NTN1: variants seen among roughly 807,000 people sequenced by gnomAD.
The protein encoded by NTN1 is netrin 1.
NTN1 carries 11 observed loss-of-function variants against 54.2 expected under a neutral mutation model. That is an observed-to-expected ratio of 0.20 (90% CI 0.13 to 0.34). The LOEUF (loss-of-function observed/expected upper bound fraction) is 0.34. Among genes scored for constraint, NTN1 ranks in the 10% least tolerant of loss-of-function variants. The probability of loss-of-function intolerance (pLI) is 1.00; values close to 1 mark genes in which losing one functional copy is unlikely to be tolerated. For missense variants in NTN1, 740 were observed against 893.1 expected (o/e 0.83, Z 2.18); for synonymous variants, 371 against 382.0 (o/e 0.97, Z 0.33).
intron 2 of NTN1, among the ~76,000 whole-genome samples, chr17:9,086,472 G>A (rs2092090313): frequency 6.6e-6 from 1 of 152,134 alleles, no homozygotes; most frequent in African/African-American, 2.4e-5. Context: ...TGACCTCAAG[G>A]CACTCACTCT....
chr17:9,018,282 C>T (rs1223589342), upstream of NTN1, among the ~76,000 whole-genome samples: 1 of 152,126 alleles, frequency 6.6e-6, no homozygotes, highest in East Asian at 1.9e-4. Flanking sequence ...TGTAGAAAAG[C>T]CACACTCTAC....
intron 2 of NTN1, among the ~76,000 whole-genome samples, chr17:9,144,726 C>T (rs1165751648): frequency 2.0e-5 from 3 of 152,242 alleles, no homozygotes; most frequent in East Asian, 1.9e-4. Context: ...CCTCGCTCCC[C>T]GGCCTCCCAG....
At chr17:9,123,575 T>G (rs2092237411) in intron 2 of NTN1, among the ~76,000 whole-genome samples, 1 of 152,256 alleles carries the variant, frequency 6.6e-6, no homozygotes, top group African/African-American at 2.4e-5. Flanking sequence ...AAATGTTCAC[T>G]TACATTTTCT....
At chr17:9,131,347 CA>C (rs1478069355) in intron 2 of NTN1, among the ~76,000 whole-genome samples, 1 of 152,204 alleles carries the variant, frequency 6.6e-6, no homozygotes, top group African/African-American at 2.4e-5. Flanking sequence ...TGTTTCTCTT[CA>C]ATCACGAGAA....
intron 2 of NTN1, among the ~76,000 whole-genome samples, chr17:9,111,666 C>T (rs942354899): frequency 1.3e-5 from 2 of 151,976 alleles, no homozygotes; most frequent in African/African-American, 2.4e-5. Flanking sequence ...CTGATAACAT[C>T]GACAGTCAAT....
intron 2 of NTN1, among the ~76,000 whole-genome samples, chr17:9,155,444 C>T (rs940303322): frequency 6.6e-6 from 1 of 151,736 alleles, no homozygotes; most frequent in Non-Finnish European, 1.5e-5. Flanking sequence ...CGGGTTCAAG[C>T]GATTCTCCTG....
chr17:9,089,166 A>G (rs2092100034), intron 2 of NTN1, among the ~76,000 whole-genome samples: 1 of 152,108 alleles, frequency 6.6e-6, no homozygotes, highest in South Asian at 2.1e-4. Flanking sequence ...TAATCCCAGC[A>G]CTTTGGGAGG....
chr17:9,187,668 A>C lies in NTN1; in HGVS notation c.1411+4699A>C, dbSNP rs1016534133. Among the ~76,000 whole-genome samples the C allele has an allele frequency of 7.9e-5, 12 of 151,148 alleles. No individual in the cohort carries two copies. In the East Asian group the frequency reaches 2.0e-3, roughly 25 times the overall value. On this transcript the variant is annotated intron_variant, in intron 5 of 6. Transcript: ENST00000173229. ...CCTCATCTCTCCAAAAAAAAAAAAA[A>C]AAAAAAAAAAACATTAGCCAGGCAT...
chr17:9,009,372 G>A, the NTN1 span, among the ~76,000 whole-genome samples: 1 of 152,200 alleles, frequency 6.6e-6, no homozygotes, highest in Non-Finnish European at 1.5e-5. Context: ...CTCCCTGGGC[G>A]AGGTCATGTC....
At chr17:9,056,053 A>G (rs2091978400) in intron 2 of NTN1, among the ~76,000 whole-genome samples, 2 of 143,570 alleles carry the variant, frequency 1.4e-5, no homozygotes, top group African/African-American at 5.3e-5. Flanking sequence ...GCACACCATT[A>G]TGCCTGGCTA....
At chr17:9,228,954 G>C (rs1905700040) in intron 6 of NTN1, among the ~76,000 whole-genome samples, 1 of 152,010 alleles carries the variant, frequency 6.6e-6, no homozygotes, top group Middle Eastern at 3.4e-3. Context: ...GTGTGACTCT[G>C]CGTGTGTGAT....
intron 2 of NTN1, among the ~76,000 whole-genome samples, chr17:9,062,879 A>T (rs1473663598): frequency 7.3e-6 from 1 of 137,008 alleles, no homozygotes; most frequent in East Asian, 1.9e-4. Flanking sequence ...GCCCTTAAGT[A>T]AAAAAAAATA....
chr17:9,024,044 A>G (rs1302828783), intron 2 of NTN1, among the ~76,000 whole-genome samples: 2 of 152,250 alleles, frequency 1.3e-5, no homozygotes, highest in Non-Finnish European at 2.9e-5. Context: ...ATTATTTTAA[A>G]CGAATTCAAT....
At chr17:9,235,056 G>A (rs368895869) in intron 6 of NTN1, among the ~76,000 whole-genome samples, 15 of 145,352 alleles carry the variant, frequency 1.0e-4, no homozygotes, top group East Asian at 2.2e-4. Context: ...TCCGCCTCCC[G>A]GGTTCAAGCG....
intron 2 of NTN1, among the ~76,000 whole-genome samples, chr17:9,097,277 A>G (rs976503983): frequency 1.3e-5 from 2 of 152,170 alleles, no homozygotes; most frequent in African/African-American, 4.8e-5. Context: ...AAAATGTAAC[A>G]TTTTGTGTCC....
chr17:9,142,074 C>T (rs140394034), intron 2 of NTN1, among the ~76,000 whole-genome samples: 213 of 151,870 alleles, frequency 1.4e-3, no homozygotes, highest in African/African-American at 4.7e-3. Flanking sequence ...TTGCAGTGAG[C>T]CGAGATCGTG....
In NTN1 at chr17:9,139,887, TCATTCATC is replaced by T. The variant is rs200102821; in HGVS notation, c.1019-22914_1019-22907del. 3.0e-3 allele frequency among the ~76,000 whole-genome samples: 439 copies of T among 148,644 alleles called. 2 individuals carry two copies. The highest frequency in any genetic ancestry group is 0.011 in the African/African-American group (425 of 38,290). On this transcript the variant is annotated intron_variant, in intron 2 of 6. Coordinates refer to ENST00000173229, the MANE Select transcript of NTN1 (RefSeq NM_004822.3). ...ATCCATCGATTCCTCCATCATTTAT[TCATTCATC>T]CATTCATCCATCATCCATCCATTCA...
At chr17:9,067,839 C>T (rs9912742) in intron 2 of NTN1, among the ~76,000 whole-genome samples, 57,098 of 151,964 alleles carry the variant, frequency 0.38, 11,250 homozygotes, top group East Asian at 0.55. Context: ...CATCCCTCGG[C>T]AGCCAGGAGG....
chr17:9,179,756 G>C, intron 3 of NTN1, 51 bp from the exon 4 acceptor site: 1 of 1,584,460 alleles, frequency 6.3e-7, no homozygotes, highest in Non-Finnish European at 8.6e-7. Flanking sequence ...CTGCGGGGAT[G>C]CACTGGCCGC....
Sources: gnomAD v4.1 joint callset for allele counts (sites outside exome capture counted in the v4.1 genomes callset) on GRCh38, gnomAD v4.1.1 for gene constraint, MANE v1.5 for transcripts, NCBI Gene and HGNC (gene_info 2026-07-23, HGNC 2026-07-21) for gene names.